IQSEC1: variants seen among roughly 807,000 people sequenced by gnomAD.
IQSEC1 encodes the protein IQ motif and Sec7 domain ArfGEF 1.
In IQSEC1, 31 loss-of-function variants were observed where a neutral mutation model predicts 91.0. That is an observed-to-expected ratio of 0.34 (90% CI 0.26 to 0.46). The LOEUF is 0.46. Ranked by LOEUF, IQSEC1 falls within the 20% of genes least tolerant of loss-of-function variation. The pLI is 1.00. For synonymous variants in IQSEC1, 699 were observed against 662.6 expected (o/e 1.05, Z -0.84); for missense variants, 1,388 against 1,575.6 (o/e 0.88, Z 2.02).
chr3:12,963,908 CCAAGACAGCATGTGT>C (rs1273441733), intron 1 of IQSEC1, among the ~76,000 whole-genome samples: 1 of 152,228 alleles, frequency 6.6e-6, no homozygotes, highest in Admixed American at 6.5e-5. Context: ...TCCTCCAAGC[CCAAGACAGCATGTGT>C]GCACTTGTTA....
intron 1 of IQSEC1, among the ~76,000 whole-genome samples, chr3:13,007,296 A>G (rs1408044855): frequency 6.6e-6 from 1 of 152,264 alleles, no homozygotes; most frequent in Non-Finnish European, 1.5e-5. Flanking sequence ...GGATCCAGAC[A>G]GAGCAGGTGG....
chr3:12,942,048 C>T (rs1430476029), intron 1 of IQSEC1, among the ~76,000 whole-genome samples, 183 bp from the exon 2 acceptor site: 3 of 151,974 alleles, frequency 2.0e-5, no homozygotes, highest in Non-Finnish European at 4.4e-5. Context: ...CTCAGCACCC[C>T]ACCCACTCGG....
chr3:13,077,640 C>T (rs2648700), upstream of IQSEC1, among the ~76,000 whole-genome samples: 1 of 152,040 alleles, frequency 6.6e-6, no homozygotes, highest in Non-Finnish European at 1.5e-5. Context: ...CTGGCAGGCT[C>T]GTGCAGGGCC....
intron 2 of IQSEC1, among the ~76,000 whole-genome samples, chr3:13,154,276 G>C (rs1454632975): frequency 6.7e-6 from 1 of 149,952 alleles, no homozygotes; most frequent in Non-Finnish European, 1.5e-5. Flanking sequence ...TCAAGGCTGT[G>C]CACCCCAAGC....
chr3:13,215,495 A>C (rs918520514), intron 1 of IQSEC1, among the ~76,000 whole-genome samples: 6 of 152,214 alleles, frequency 3.9e-5, no homozygotes, highest in African/African-American at 1.4e-4. Context: ...AATCCATGTT[A>C]AGTCTGAACA....
chr3:12,934,833 C>G (rs1698021477), intron 3 of IQSEC1, among the ~76,000 whole-genome samples: 2 of 152,088 alleles, frequency 1.3e-5, no homozygotes, highest in Admixed American at 1.3e-4. Context: ...CTCCATGAAC[C>G]CAACTCATGC....
At position 12,901,027 on chromosome 3, in the gene IQSEC1, T is replaced by C. The variant is rs1559594741; in HGVS notation, c.3301A>G (p.Thr1101Ala). The C allele has an allele frequency of 7.1e-7, 1 of 1,410,544 alleles. No individual in the cohort carries two copies. Among genetic ancestry groups the C allele is most frequent in the Non-Finnish European group, 9.4e-7 (1 of 1,062,516 alleles). The allele number at this position is 1,410,544 out of a possible 1,614,324, so 87.4% of individuals were successfully genotyped here. A position where few individuals can be genotyped will look rare whatever the true frequency, so the allele number is the denominator to read the frequency against. The change falls in exon 14 of 14, where the codon ACC (threonine) becomes GCC (alanine). Residue 1101 changes from threonine to alanine, a missense_variant. By Grantham distance (58) the Thr-to-Ala change is moderately conservative. Coordinates refer to ENST00000613206, the MANE Select transcript of IQSEC1 (RefSeq NM_001134382.3). ...HGQPPAPPPP[T>A]SSKAKPSGIS... ...CCGCTGGGTTTGGCCTTGCTGCTGG[T>C]GGGGGGCGGCGGGGCAGGGGGCTGC...
chr3:13,248,291 T>C (rs540443551), intron 1 of IQSEC1, among the ~76,000 whole-genome samples: 2 of 152,336 alleles, frequency 1.3e-5, no homozygotes, highest in African/African-American at 4.8e-5. Context: ...CAGTTCTGGC[T>C]ACACCACTGC....
chr3:13,191,304 C>G (rs1694025703), intron 1 of IQSEC1, among the ~76,000 whole-genome samples: 1 of 152,166 alleles, frequency 6.6e-6, no homozygotes, highest in African/African-American at 2.4e-5. Context: ...CAGAGCTGGG[C>G]ACAGGCTGGG....
At position 13,146,624 on chromosome 3, in the gene IQSEC1, A is replaced by G. The variant is rs1706902858; in HGVS notation, c.302+17480T>C. On this transcript the variant is annotated intron_variant, in intron 2 of 15. Transcript: ENST00000648114. Reference sequence around the variant, plus strand: ...TGAGGCCAAGGCAGGCGGATCATTTAAGGCCAAGAGTTTGAGACCAGCCTG... The same window carrying G: ...TGAGGCCAAGGCAGGCGGATCATTTGAGGCCAAGAGTTTGAGACCAGCCTG... Among the ~76,000 whole-genome samples the G allele has an allele frequency of 2.0e-5, 3 of 152,200 alleles. No homozygotes were observed. The South Asian group carries it at 6.2e-4, about 31-fold the overall frequency.
intron 1 of IQSEC1, among the ~76,000 whole-genome samples, chr3:13,030,698 G>A (rs1424968238): frequency 1.3e-5 from 2 of 152,222 alleles, no homozygotes; most frequent in African/African-American, 2.4e-5. Flanking sequence ...TACGAGACAC[G>A]TGCACTGTGT....
intron 1 of IQSEC1, among the ~76,000 whole-genome samples, chr3:12,943,300 G>C (rs566734004): frequency 6.6e-6 from 1 of 152,344 alleles, no homozygotes; most frequent in Non-Finnish European, 1.5e-5. Flanking sequence ...AGTGCCCCTG[G>C]TGGGGCCATG....
At chr3:12,968,976 C>T (rs2125533656) in intron 1 of IQSEC1, among the ~76,000 whole-genome samples, 1 of 152,314 alleles carries the variant, frequency 6.6e-6, no homozygotes, top group South Asian at 2.1e-4. Flanking sequence ...CACCTGGGTT[C>T]CCAGGCAAGA....
intron 2 of IQSEC1, among the ~76,000 whole-genome samples, chr3:13,122,865 C>A (rs1706448028): frequency 6.6e-6 from 1 of 152,186 alleles, no homozygotes; most frequent in South Asian, 2.1e-4. Flanking sequence ...CTGTACCCTG[C>A]CACTGCAGGG....
At chr3:12,999,073 TA>T (rs1702326174) in intron 1 of IQSEC1, among the ~76,000 whole-genome samples, 1 of 152,186 alleles carries the variant, frequency 6.6e-6, no homozygotes, top group South Asian at 2.1e-4. Context: ...ATATTATGTT[TA>T]AAACTAATTT....
rs983529217 is a variant in IQSEC1, at chr3:13,259,429, C to T, written c.272+23282G>A. Among the ~76,000 whole-genome samples the T allele has an allele frequency of 8.5e-5, 13 of 152,158 alleles. No homozygotes were observed. Among genetic ancestry groups the T allele is most frequent in the Non-Finnish European group, 1.8e-4 (12 of 67,990 alleles). ...ACTAAGCCCAGTGCCATATTCTCCC[C>T]TGCACCCCATCAAAACAGTGGCGGG... On this transcript the variant is annotated intron_variant, in intron 1 of 15. Coordinates refer to the IQSEC1 transcript ENST00000648114. This position sits in a 1 kb window ranked among gnomAD's most constrained non-coding sequence, Gnocchi z 4.6.
At chr3:12,953,578 G>A (rs911210194) in intron 1 of IQSEC1, among the ~76,000 whole-genome samples, 6 of 152,350 alleles carry the variant, frequency 3.9e-5, no homozygotes, top group African/African-American at 1.2e-4. Context: ...CCAACATTGA[G>A]CATCTCCCTA....
At chr3:13,222,307 A>G (rs1391770279) in intron 1 of IQSEC1, among the ~76,000 whole-genome samples, 1 of 152,218 alleles carries the variant, frequency 6.6e-6, no homozygotes, top group Non-Finnish European at 1.5e-5. Flanking sequence ...AGCGCAGCAC[A>G]GAACGCCCTT....
chr3:12,901,849 T>C (rs1423437348), intron 13 of IQSEC1, among the ~76,000 whole-genome samples: 2 of 152,160 alleles, frequency 1.3e-5, no homozygotes, highest in Admixed American at 6.5e-5. Flanking sequence ...AGATTTCAAA[T>C]TGGAACCCCT....
Sources: allele counts gnomAD v4.1 joint callset (sites outside exome capture counted in the v4.1 genomes callset), GRCh38; gene constraint gnomAD v4.1.1; non-coding constraint Gnocchi (gnomAD v3.1); transcripts MANE v1.5; gene names NCBI Gene and HGNC (gene_info 2026-07-23, HGNC 2026-07-21).